The following PDE1C variants were observed in gnomAD, a reference collection of about 807,000 sequenced individuals.
The protein encoded by PDE1C is phosphodiesterase 1C.
PDE1C carries 62 observed loss-of-function variants against 93.1 expected under a neutral mutation model. The observed-to-expected ratio is 0.67, with a 90% CI of 0.54 to 0.82. PDE1C has a LOEUF of 0.82. PDE1C is among the 40% of genes least tolerant of loss of function. The probability of loss-of-function intolerance (pLI) is 0.00; values close to 1 mark genes in which losing one functional copy is unlikely to be tolerated. For missense variants in PDE1C, 742 were observed against 884.6 expected (o/e 0.84, Z 2.04); for synonymous variants, 325 against 310.1 (o/e 1.05, Z -0.50).
intron 1 of PDE1C, among the ~76,000 whole-genome samples, chr7:32,241,618 A>ACAAC (rs746148877): frequency 6.6e-6 from 1 of 152,186 alleles, no homozygotes; most frequent in Non-Finnish European, 1.5e-5. Flanking sequence ...ACTAGAGGAG[A>ACAAC]CGGTTATGTC....
At chr7:32,378,917 G>A (rs1412375914) in intron 1 of PDE1C, among the ~76,000 whole-genome samples, 1 of 152,220 alleles carries the variant, frequency 6.6e-6, no homozygotes, top group Admixed American at 6.5e-5. Flanking sequence ...TTGCAATGCT[G>A]TGGTCTTTTT....
At chr7:31,888,959 T>A (rs1050980442) in intron 2 of PDE1C, among the ~76,000 whole-genome samples, 1 of 152,136 alleles carries the variant, frequency 6.6e-6, no homozygotes, top group Admixed American at 6.5e-5. Context: ...TTACAAAATA[T>A]ATAAAATCAT....
the PDE1C span, among the ~76,000 whole-genome samples, chr7:31,676,869 T>C: frequency 2.0e-5 from 3 of 152,166 alleles, no homozygotes; most frequent in Non-Finnish European, 2.9e-5. Flanking sequence ...AATCATGGAC[T>C]CTCAACAAAT....
intron 2 of PDE1C, among the ~76,000 whole-genome samples, chr7:32,043,517 G>C (rs535656836): frequency 1.4e-4 from 22 of 152,152 alleles, no homozygotes; most frequent in African/African-American, 5.1e-4. Context: ...AAACCATTTT[G>C]GCAAAACACC....
intron 2 of PDE1C, among the ~76,000 whole-genome samples, chr7:31,995,996 G>A (rs1406243218): frequency 6.7e-6 from 1 of 150,216 alleles, no homozygotes; most frequent in African/African-American, 2.4e-5. Flanking sequence ...ACTCCGAGAG[G>A]GACATCTGTT....
At chr7:32,055,362 A>G (rs911647081) in intron 1 of PDE1C, among the ~76,000 whole-genome samples, 2 of 151,870 alleles carry the variant, frequency 1.3e-5, no homozygotes, top group Non-Finnish European at 2.9e-5. Context: ...CTCACTTACA[A>G]CTCCTGCAAA....
At chr7:32,204,981 T>C (rs1408019555) in intron 2 of PDE1C, among the ~76,000 whole-genome samples, 1 of 152,088 alleles carries the variant, frequency 6.6e-6, no homozygotes, top group East Asian at 1.9e-4. Flanking sequence ...AAGTCTTCAA[T>C]AAGTATATAT....
At chr7:32,025,157 G>A (rs1009556751) in intron 2 of PDE1C, among the ~76,000 whole-genome samples, 1 of 152,130 alleles carries the variant, frequency 6.6e-6, no homozygotes, top group Non-Finnish European at 1.5e-5. Flanking sequence ...TCATCCTCAT[G>A]TAGAGTTATC....
At chr7:32,252,841 G>A (rs547514617) in intron 1 of PDE1C, among the ~76,000 whole-genome samples, 39 of 152,288 alleles carry the variant, frequency 2.6e-4, no homozygotes, top group African/African-American at 9.4e-4. Flanking sequence ...TTTACCACTA[G>A]TTTTAACACA....
chr7:32,256,740 T>G (rs1172159902), intron 1 of PDE1C, among the ~76,000 whole-genome samples: 1 of 152,212 alleles, frequency 6.6e-6, no homozygotes, highest in African/African-American at 2.4e-5. Context: ...TGGCCCCAGT[T>G]TCCTCATCTG....
intron 1 of PDE1C, among the ~76,000 whole-genome samples, chr7:32,294,019 C>A (rs1423853445): frequency 6.6e-6 from 1 of 152,228 alleles, no homozygotes. Context: ...GGAGAGTGGG[C>A]CACACCCCCA....
At chr7:31,871,221 T>A (rs1038142666) in intron 6 of PDE1C, among the ~76,000 whole-genome samples, 2 of 151,808 alleles carry the variant, frequency 1.3e-5, no homozygotes, top group African/African-American at 4.8e-5. Flanking sequence ...TATACAAAAA[T>A]CAACTCAAAA....
At chr7:32,021,043 A>G (rs1788596795) in intron 2 of PDE1C, among the ~76,000 whole-genome samples, 1 of 152,068 alleles carries the variant, frequency 6.6e-6, no homozygotes, top group African/African-American at 2.4e-5. Context: ...TTTTAGAAAG[A>G]GCTCCCCAGG....
intron 1 of PDE1C, among the ~76,000 whole-genome samples, chr7:32,313,518 G>A (rs7809925): frequency 0.021 from 3,194 of 151,906 alleles, 77 homozygotes; most frequent in African/African-American, 0.054. Context: ...GTCCAACAAC[G>A]ATAGACTGGA....
the PDE1C span, chr7:31,707,451 G>C: frequency 1.7e-6 from 1 of 587,988 alleles, no homozygotes; most frequent in Non-Finnish European, 3.0e-6. Context: ...TCACCTCTTT[G>C]TCTCTCTCTT....
At chr7:32,311,840 G>A (rs1205929393) in intron 1 of PDE1C, among the ~76,000 whole-genome samples, 2 of 152,122 alleles carry the variant, frequency 1.3e-5, no homozygotes, top group East Asian at 3.9e-4. Flanking sequence ...TTTTAAAACT[G>A]GCACAAGACA....
chr7:31,870,978 T>A (rs1442741079), intron 6 of PDE1C, among the ~76,000 whole-genome samples: 1 of 151,340 alleles, frequency 6.6e-6, no homozygotes, highest in Non-Finnish European at 1.5e-5. Context: ...TAATAGTATA[T>A]TTTTATACTA....
chr7:31,848,271 T>C (rs1205737471), intron 8 of PDE1C, among the ~76,000 whole-genome samples, 175 bp from the exon 9 acceptor site: 1 of 152,188 alleles, frequency 6.6e-6, no homozygotes, highest in African/African-American at 2.4e-5. Context: ...AATAGATGAA[T>C]GTAGGGTATG....
At position 31,837,203 on chromosome 7, in the gene PDE1C, G is replaced by T; in HGVS notation, c.1180C>A (p.Leu394Ile). Reference sequence around the variant, plus strand: ...ACCTGTCTGAAGAACTCCTCCAGGAGTGACATTGTCCAGCGATGATGGAGG... The same window carrying T: ...ACCTGTCTGAAGAACTCCTCCAGGATTGACATTGTCCAGCGATGATGGAGG... ...WDLHHRWTMS[L>I]LEEFFRQGDR... is the part of the protein sequence containing the mutation. The change falls in exon 11 of 18, where the codon CTC becomes ATC. Residue 394 changes from leucine to isoleucine, a missense_variant. Coordinates refer to ENST00000396191, the MANE Select transcript of PDE1C (RefSeq NM_001191057.4). 1 of 1,613,802 alleles carries T rather than the reference G, an allele frequency of 6.2e-7. No individual in the cohort carries two copies. Among genetic ancestry groups the T allele is most frequent in the Non-Finnish European group, 8.5e-7 (1 of 1,179,782 alleles).
Sources: allele counts gnomAD v4.1 joint callset (sites outside exome capture counted in the v4.1 genomes callset), GRCh38; gene constraint gnomAD v4.1.1; transcripts MANE v1.5; gene names NCBI Gene and HGNC (gene_info 2026-07-23, HGNC 2026-07-21).